GPA33: variants seen among roughly 807,000 people sequenced by gnomAD.
GPA33 encodes glycoprotein A33.
A neutral mutation model predicts 35.6 loss-of-function variants in GPA33; 27 were observed. That is an observed-to-expected ratio of 0.76 (90% CI 0.56 to 1.04). GPA33 has a LOEUF of 1.04. Ranked by LOEUF, GPA33 falls within the 50% of genes least tolerant of loss-of-function variation. The pLI is 0.00. For synonymous variants in GPA33, 176 were observed against 164.0 expected (o/e 1.07, Z -0.56); for missense variants, 428 against 411.9 (o/e 1.04, Z -0.34).
intron 1 of GPA33, among the ~76,000 whole-genome samples, chr1:167,076,466 G>A (rs555037295): frequency 6.6e-6 from 1 of 152,326 alleles, no homozygotes; most frequent in Admixed American, 6.5e-5. Flanking sequence ...CCCCCGCCCA[G>A]CTGGGAAGAC....
chr1:167,079,772 C>A (rs1400816443), intron 1 of GPA33, among the ~76,000 whole-genome samples: 2 of 152,224 alleles, frequency 1.3e-5, no homozygotes, highest in Admixed American at 1.3e-4. Flanking sequence ...TCTGGCTGGA[C>A]TTTTTAATAA....
chr1:167,056,670 T>G (rs1666277752), intron 4 of GPA33, among the ~76,000 whole-genome samples: 1 of 19,632 alleles, frequency 5.1e-5, no homozygotes, highest in African/African-American at 2.0e-4. Flanking sequence ...ACGGTGAGTG[T>G]GTGATGTGTC....
At chr1:167,068,731 C>T (rs912082606) in intron 3 of GPA33, among the ~76,000 whole-genome samples, 191 bp downstream of exon 3, 3 of 152,180 alleles carry the variant, frequency 2.0e-5, no homozygotes, top group Admixed American at 6.5e-5. Flanking sequence ...TGGCCATTGG[C>T]GGAGAACTCA....
chr1:167,061,590 T>TG (rs1388621023), intron 4 of GPA33, among the ~76,000 whole-genome samples: 10 of 132,882 alleles, frequency 7.5e-5, no homozygotes, highest in African/African-American at 2.6e-4. Context: ...CTAACTGTTT[T>TG]TTTTTTTTTT....
In GPA33 at chr1:167,056,487, TGTGTGTG is replaced by T. The variant is rs557931625; in HGVS notation, c.572-645_572-639del. The stretch of plus-strand genomic sequence containing the variant: ...TGTGTCAGTGTGTGTGGTGTGTCAG[TGTGTGTG>T]GTGTGTGGTGTGTCAGTGATGTGCA... On this transcript the variant is annotated intron_variant, in intron 4 of 6. Coordinates refer to ENST00000367868, the MANE Select transcript of GPA33 (RefSeq NM_005814.3). Among the ~76,000 whole-genome samples the T allele has an allele frequency of 8.8e-4, 130 of 146,936 alleles. 1 individual carries two copies. Among genetic ancestry groups the T allele is most frequent in the African/African-American group, 3.0e-3 (120 of 39,686 alleles).
At chr1:167,059,366 A>G (rs1372080525) in intron 4 of GPA33, among the ~76,000 whole-genome samples, 2 of 152,186 alleles carry the variant, frequency 1.3e-5, no homozygotes, top group Non-Finnish European at 2.9e-5. Context: ...CAGGACGGTC[A>G]TACGCTTCCC....
chr1:167,080,084 G>T (rs1666895450), intron 1 of GPA33, among the ~76,000 whole-genome samples: 1 of 152,024 alleles, frequency 6.6e-6, no homozygotes, highest in Non-Finnish European at 1.5e-5. Context: ...GTCTCCAGTT[G>T]CCCAGAGCCC....
At chr1:167,056,648 A>ATGGC (rs1558001727) in intron 4 of GPA33, among the ~76,000 whole-genome samples, 58 of 11,114 alleles carry the variant, frequency 5.2e-3, no homozygotes, top group East Asian at 7.6e-3. Flanking sequence ...TGGTGTGTGT[A>ATGGC]GTGTGTGTGG....
At chr1:167,055,956 C>G in intron 4 of GPA33, 107 bp from the exon 5 acceptor site, 1 of 1,149,788 alleles carries the variant, frequency 8.7e-7, no homozygotes. Flanking sequence ...TGCCACTGAG[C>G]TTCTTCAGGC....
chr1:167,087,079 T>A (rs1360872501), intron 1 of GPA33, among the ~76,000 whole-genome samples: 2 of 152,120 alleles, frequency 1.3e-5, no homozygotes, highest in Non-Finnish European at 2.9e-5. Context: ...GGAAGTGCCT[T>A]GATTTTGTGC....
rs1228748658 is a variant in GPA33 at position 167,068,920 on chromosome 1, AC to A, written c.415+1del. 1 of 1,609,872 alleles carries A rather than the reference AC, an allele frequency of 6.2e-7. No individual in the cohort carries two copies. Among genetic ancestry groups the A allele is most frequent in the Non-Finnish European group, 8.5e-7 (1 of 1,177,716 alleles). ...ACTCCTGAAAGACATGAAGACACTC[AC>A]CGAGGACCAACAGGCGGACACGTGA... is the stretch of plus-strand genomic sequence containing the variant. On this transcript the variant is annotated splice_donor_variant, in intron 3 of 6. Transcript: ENST00000367868. LOFTEE classifies it high-confidence loss of function.
At chr1:167,082,733 T>C (rs531892279) in intron 1 of GPA33, among the ~76,000 whole-genome samples, 2 of 152,124 alleles carry the variant, frequency 1.3e-5, no homozygotes, top group African/African-American at 4.8e-5. Flanking sequence ...CCAACAGATA[T>C]ACGTTTTATG....
intron 4 of GPA33, among the ~76,000 whole-genome samples, chr1:167,059,440 C>A (rs1666384324): frequency 6.6e-6 from 1 of 152,156 alleles, no homozygotes; most frequent in South Asian, 2.1e-4. Context: ...CACCAAGACG[C>A]TAATGTCACG....
At chr1:167,086,890 A>AGTGT (rs3051362) in intron 1 of GPA33, among the ~76,000 whole-genome samples, 6 of 151,476 alleles carry the variant, frequency 4.0e-5, no homozygotes, top group African/African-American at 1.5e-4. Context: ...TGTGTAAGTA[A>AGTGT]GTGTGTGTGT....
In GPA33 at chr1:167,054,045, C is replaced by G; in HGVS notation, c.*289G>C. On this transcript the variant is annotated 3_prime_UTR_variant, in exon 7 of 7. Transcript: ENST00000367868. ...CTGTGCTTCCAGGAGCTCCTGCCAA[C>G]TACGAGGGAAGTGGAGGCTGCAGCC... is the stretch of plus-strand genomic sequence containing the variant. 2.3e-6 allele frequency: 1 copy of G among 426,054 alleles called. No individual in the cohort carries two copies. The allele number at this position is 426,054 out of a possible 1,614,324, so 26.4% of individuals were successfully genotyped here. A position where few individuals can be genotyped will look rare whatever the true frequency, so the allele number is the denominator to read the frequency against.
chr1:167,061,567 CG>C (rs1227248539), intron 4 of GPA33, among the ~76,000 whole-genome samples: 1 of 143,104 alleles, frequency 7.0e-6, no homozygotes, highest in African/African-American at 2.6e-5. Flanking sequence ...TAAGTTAGGT[CG>C]AGTGGATTCT....
intron 2 of GPA33, among the ~76,000 whole-genome samples, chr1:167,073,025 A>C (rs140188103): frequency 1.1e-3 from 171 of 152,114 alleles, no homozygotes; most frequent in African/African-American, 3.9e-3. Context: ...GAAAAAAAAA[A>C]CAAAACTCCT....
intron 4 of GPA33, among the ~76,000 whole-genome samples, chr1:167,060,625 C>A (rs1295322044): frequency 1.3e-5 from 2 of 152,186 alleles, no homozygotes; most frequent in African/African-American, 4.8e-5. Context: ...TTCCTGTCCT[C>A]AGGATTCTCC....
chr1:167,084,991 A>T (rs1667021605), intron 1 of GPA33, among the ~76,000 whole-genome samples: 1 of 152,236 alleles, frequency 6.6e-6, no homozygotes, highest in Admixed American at 6.5e-5. Context: ...GGGGAAAAAG[A>T]TCATGAGTTT....
Sources: allele counts gnomAD v4.1 joint callset (sites outside exome capture counted in the v4.1 genomes callset), GRCh38; gene constraint gnomAD v4.1.1; transcripts MANE v1.5; gene names NCBI Gene and HGNC (gene_info 2026-07-23, HGNC 2026-07-21).